The following GRIK5 variants were observed in gnomAD, a reference collection of about 807,000 sequenced individuals.
The protein encoded by GRIK5 is glutamate receptor ionotropic, kainate 5.
In GRIK5, 43 loss-of-function variants were observed where a neutral mutation model predicts 97.4. The observed-to-expected ratio is 0.44, with a 90% CI of 0.35 to 0.57. GRIK5 has a LOEUF of 0.57. GRIK5 is among the 20% of genes least tolerant of loss of function. The pLI, the probability that GRIK5 is intolerant of heterozygous loss-of-function variation, is 0.01. For missense variants in GRIK5, 1,015 were observed against 1,382.0 expected, an observed-to-expected ratio of 0.73 and a Z score of 4.21; for synonymous variants, 580 against 583.5, an observed-to-expected ratio of 0.99 and a Z score of 0.09.
In GRIK5 at chr19:42,003,305, G is replaced by GGGCCCCC; in HGVS notation, c.2514+26_2514+27insGGGGGCC. The GGGCCCCC allele has an allele frequency of 1.0e-4, 155 of 1,540,464 alleles. No homozygotes were observed. The highest frequency in any genetic ancestry group is 1.3e-4 in the Non-Finnish European group (140 of 1,117,938). On this transcript the variant is annotated intron_variant, in intron 19 of 19. Transcript: ENST00000593562. This position sits in a 1 kb window ranked among gnomAD's most constrained non-coding sequence, Gnocchi z 4.2. ...TCAGCCCCTGGGGGTCCCTGTTCCTGCCCACCCCCACCCCCAGCCTCCTCA... is the reference window on the plus strand; with the variant it reads ...TCAGCCCCTGGGGGTCCCTGTTCCTGGGCCCCCCCCACCCCCACCCCCAGCCTCCTCA...
intron 1 of GRIK5, among the ~76,000 whole-genome samples, chr19:42,066,276 T>C (rs2146190493): frequency 6.7e-6 from 1 of 149,994 alleles, no homozygotes; most frequent in Non-Finnish European, 1.5e-5. Context: ...GGCAACCCCA[T>C]CCCAGGCCTC....
rs2075997283 is a variant in GRIK5, at chr19:42,042,925, T to C, written c.1270-170A>G. 1 of 615,966 alleles carries C rather than the reference T, an allele frequency of 1.6e-6. No homozygotes were observed. Among genetic ancestry groups the C allele is most frequent in the Non-Finnish European group, 2.8e-6 (1 of 352,224 alleles). 38.2% of individuals were successfully genotyped at this position (615,966 alleles called of 1,614,324 possible). On this transcript the variant is annotated intron_variant, in intron 11 of 19. Coordinates refer to ENST00000593562, the MANE Select transcript of GRIK5 (RefSeq NM_002088.5). This position sits in a 1 kb window ranked among gnomAD's most constrained non-coding sequence, Gnocchi z 6.9. ...AAATGCTCAGAGTGGGGAATAGACC[T>C]GAAAGCCAGGGAAAAACACATGGGT...
At chr19:42,044,107 G>A (rs1470794783) in intron 11 of GRIK5, among the ~76,000 whole-genome samples, 1 of 152,030 alleles carries the variant, frequency 6.6e-6, no homozygotes, top group Admixed American at 6.6e-5. Context: ...GTTTTATAAT[G>A]GGCTCTTCCC....
chr19:42,057,023 C>T lies in GRIK5; in HGVS notation c.688-45G>A, dbSNP rs374415440. On this transcript the variant is annotated intron_variant, in intron 6 of 19. Coordinates refer to ENST00000593562, the MANE Select transcript of GRIK5 (RefSeq NM_002088.5). ...AAGAGGCAGAGTGAGAGACAGAGAC[C>T]CACAGGCAGAGATGGGGAGGACTCA... is the stretch of plus-strand genomic sequence containing the variant. 1.2e-5 allele frequency: 17 copies of T among 1,446,012 alleles called. No individual in the cohort carries two copies. The African/African-American group carries it at 2.0e-4, about 17-fold the overall frequency. The allele number at this position is 1,446,012 out of a possible 1,614,324, so 89.6% of individuals were successfully genotyped here. A position where few individuals can be genotyped will look rare whatever the true frequency, so the allele number is the denominator to read the frequency against.
chr19:42,012,159 T>C (rs2075570781), intron 15 of GRIK5, among the ~76,000 whole-genome samples: 1 of 152,218 alleles, frequency 6.6e-6, no homozygotes, highest in Non-Finnish European at 1.5e-5. Context: ...TCTATTTTTG[T>C]ACAGCCCCAT....
chr19:42,003,909 T>C lies in GRIK5; in HGVS notation c.2264-226A>G, dbSNP rs2075455700. 2.1e-6 allele frequency: 1 copy of C among 474,350 alleles called. No individual in the cohort carries two copies. The highest frequency in any genetic ancestry group is 3.7e-6 in the Non-Finnish European group (1 of 272,892). 29.4% of individuals were successfully genotyped at this position (474,350 alleles called of 1,614,324 possible). ...CATACCTTTCCTGTGCTCAGGACTC[T>C]CCATGGCTTCCTGTTGCAAGCTCCT... On this transcript the variant is annotated intron_variant, in intron 17 of 19. Coordinates refer to ENST00000593562, the MANE Select transcript of GRIK5 (RefSeq NM_002088.5). This position sits in a 1 kb window ranked among gnomAD's most constrained non-coding sequence, Gnocchi z 4.2.
intron 1 of GRIK5, 182 bp downstream of exon 1, chr19:42,069,059 G>A: frequency 2.1e-6 from 1 of 466,390 alleles, no homozygotes; most frequent in Admixed American, 4.0e-5. Context: ...AAGAAGAGGT[G>A]AGAAGAGGTC....
intron 15 of GRIK5, among the ~76,000 whole-genome samples, chr19:42,011,751 T>C (rs1012503625): frequency 3.9e-5 from 6 of 151,992 alleles, no homozygotes; most frequent in African/African-American, 1.2e-4. Flanking sequence ...GGTGGGCAAA[T>C]TGCTTGAGCT....
chr19:42,047,049 G>A (rs2076051796), intron 11 of GRIK5, among the ~76,000 whole-genome samples: 1 of 151,734 alleles, frequency 6.6e-6, no homozygotes, highest in African/African-American at 2.4e-5. Context: ...CACTAAGCCT[G>A]GCTAATTTTT....
chr19:42,003,534 A>T lies in GRIK5; in HGVS notation c.2392+21T>A, dbSNP rs2075449747. ...GCTGGGAGGGGGCTATGGGAAGGGG[A>T]CACCATACGCGGGAACTGACCTTTA... is the stretch of plus-strand genomic sequence containing the variant. On this transcript the variant is annotated intron_variant, in intron 18 of 19. Transcript: ENST00000593562. This position sits in a 1 kb window ranked among gnomAD's most constrained non-coding sequence, Gnocchi z 4.2. The T allele has an allele frequency of 6.2e-7, 1 of 1,606,394 alleles. No homozygotes were observed. Among genetic ancestry groups the T allele is most frequent in the South Asian group, 1.1e-5 (1 of 89,994 alleles).
In GRIK5 at chr19:42,009,620, T is replaced by C. The variant is rs550001147; in HGVS notation, c.1872-2810A>G. Among the ~76,000 whole-genome samples the C allele has an allele frequency of 2.0e-3, 301 of 151,370 alleles. 1 individual carries two copies. Among genetic ancestry groups the C allele is most frequent in the Middle Eastern group, 6.8e-3 (2 of 294 alleles). On this transcript the variant is annotated intron_variant, in intron 15 of 19. Transcript: ENST00000593562. ...CCTTCTCTACTAGAAATACAAAAATTAGCCAAGTGTGGTGGTGCATGCCTG... is the reference window on the plus strand; with the variant it reads ...CCTTCTCTACTAGAAATACAAAAATCAGCCAAGTGTGGTGGTGCATGCCTG...
intron 11 of GRIK5, among the ~76,000 whole-genome samples, chr19:42,050,591 G>C (rs997366913): frequency 4.0e-5 from 6 of 151,008 alleles, no homozygotes; most frequent in Non-Finnish European, 8.8e-5. Flanking sequence ...CCAGGAGGCG[G>C]AGCTTGCAGT....
intron 17 of GRIK5, 45 bp downstream of exon 17, chr19:42,005,678 G>T: frequency 1.4e-6 from 2 of 1,414,910 alleles, no homozygotes; most frequent in Non-Finnish European, 2.0e-6. Flanking sequence ...AGGTGGTTTT[G>T]GATGCCCACG....
chr19:42,052,850 A>C (rs1005248306), intron 11 of GRIK5, among the ~76,000 whole-genome samples: 1 of 152,220 alleles, frequency 6.6e-6, no homozygotes, highest in African/African-American at 2.4e-5. Context: ...AGAGGGCACC[A>C]GCTCCGAGCC....
At chr19:42,037,609 G>A (rs972023807) in intron 12 of GRIK5, among the ~76,000 whole-genome samples, 11 of 152,202 alleles carry the variant, frequency 7.2e-5, no homozygotes, top group South Asian at 2.1e-4. Context: ...GCTCCTTCTG[G>A]CTCCTAACCA....
At chr19:42,044,179 C>T (rs1321549217) in intron 11 of GRIK5, among the ~76,000 whole-genome samples, 3 of 152,188 alleles carry the variant, frequency 2.0e-5, no homozygotes, top group Non-Finnish European at 4.4e-5. Flanking sequence ...TTCCCCTTCG[C>T]CTTCTGCTAT....
At chr19:42,054,793 G>T (rs1238359418) in intron 8 of GRIK5, among the ~76,000 whole-genome samples, 1 of 152,238 alleles carries the variant, frequency 6.6e-6, no homozygotes, top group Non-Finnish European at 1.5e-5. Context: ...GAATCTGGGT[G>T]ATGCAGGCCA....
At chr19:42,011,354 C>T (rs1350917314) in intron 15 of GRIK5, among the ~76,000 whole-genome samples, 1 of 150,996 alleles carries the variant, frequency 6.6e-6, no homozygotes, top group African/African-American at 2.4e-5. Context: ...AGATCGAGAC[C>T]ATCCTGGCTA....
At chr19:42,055,307 G>A (rs2076168256) in intron 8 of GRIK5, among the ~76,000 whole-genome samples, 1 of 152,176 alleles carries the variant, frequency 6.6e-6, no homozygotes, top group African/African-American at 2.4e-5. Context: ...GTTGGGGTGT[G>A]TGATGTCCCT....
Sources: allele counts gnomAD v4.1 joint callset (sites outside exome capture counted in the v4.1 genomes callset), GRCh38; gene constraint gnomAD v4.1.1; non-coding constraint Gnocchi (gnomAD v3.1); transcripts MANE v1.5; gene names NCBI Gene and HGNC (gene_info 2026-07-23, HGNC 2026-07-21).